The following LARGE1 variants were observed in gnomAD, a reference collection of about 807,000 sequenced individuals.
LARGE1 encodes LARGE xylosyl- and glucuronyltransferase 1.
A neutral mutation model predicts 87.6 loss-of-function variants in LARGE1; 43 were observed. That is an observed-to-expected ratio of 0.49 (90% CI 0.38 to 0.63). The LOEUF (loss-of-function observed/expected upper bound fraction) is 0.63. LARGE1 is among the 30% of genes least tolerant of loss of function. The probability of loss-of-function intolerance (pLI) is 0.00; values close to 1 mark genes in which losing one functional copy is unlikely to be tolerated. For synonymous variants in LARGE1, 434 were observed against 394.6 expected (o/e 1.10, Z -1.18); for missense variants, 802 against 1,000.2 (o/e 0.80, Z 2.67).
rs189946372 is a variant in LARGE1, at chr22:33,633,188, A to G, written c.409-6862T>C. Among the ~76,000 whole-genome samples, 18 of 152,288 alleles carry G rather than the reference A, an allele frequency of 1.2e-4. No individual in the cohort carries two copies. The East Asian group carries it at 3.5e-3, about 29-fold the overall frequency. On this transcript the variant is annotated intron_variant, in intron 3 of 14. Coordinates refer to ENST00000397394, the MANE Select transcript of LARGE1 (RefSeq NM_133642.5). ...CCCCATTCCCCAAAATCAGGTGTGG[A>G]GGCAATTTGATAGTTAACCAGGAGA... is the stretch of plus-strand genomic sequence containing the variant.
At chr22:33,506,055 C>T (rs2148406557) in intron 6 of LARGE1, among the ~76,000 whole-genome samples, 1 of 152,210 alleles carries the variant, frequency 6.6e-6, no homozygotes, top group East Asian at 1.9e-4. Flanking sequence ...AATTAGGGGA[C>T]TCACAGCCAT....
chr22:33,157,247 G>A (rs531723392), downstream of LARGE1, among the ~76,000 whole-genome samples: 11 of 152,298 alleles, frequency 7.2e-5, no homozygotes, highest in South Asian at 2.3e-3. Flanking sequence ...TGACTTTCAT[G>A]TATAAAAAGC....
At chr22:33,921,434 G>A (rs898477388), upstream of LARGE1, among the ~76,000 whole-genome samples, 4 of 152,154 alleles carry the variant, frequency 2.6e-5, no homozygotes, top group Non-Finnish European at 5.9e-5. This position sits in a 1 kb window ranked among gnomAD's most constrained non-coding sequence, Gnocchi z 4.1. Context: ...CAGGCTTGCA[G>A]GACCATGCAG....
At chr22:33,624,008 C>A (rs530155499) in intron 4 of LARGE1, among the ~76,000 whole-genome samples, 1 of 151,548 alleles carries the variant, frequency 6.6e-6, no homozygotes, top group African/African-American at 2.4e-5. Flanking sequence ...CCAGCCTTGG[C>A]GACAAGAGCA....
chr22:33,297,936 C>T (rs576005554), intron 12 of LARGE1, among the ~76,000 whole-genome samples: 45 of 141,362 alleles, frequency 3.2e-4, no homozygotes, highest in Admixed American at 9.4e-4. Context: ...GCTGAGATCA[C>T]GCCATTGCAC....
At chr22:33,621,038 T>C (rs1275368009) in intron 4 of LARGE1, among the ~76,000 whole-genome samples, 2 of 152,344 alleles carry the variant, frequency 1.3e-5, no homozygotes, top group East Asian at 3.9e-4. Context: ...TGTGTACATG[T>C]CACATATAGG....
At chr22:33,701,742 T>A (rs1396250577) in intron 2 of LARGE1, among the ~76,000 whole-genome samples, 1 of 152,188 alleles carries the variant, frequency 6.6e-6, no homozygotes, top group East Asian at 1.9e-4. Context: ...AGGGAGACAG[T>A]CATTTATCTG....
chr22:33,530,450 T>G (rs1387917526), intron 6 of LARGE1, among the ~76,000 whole-genome samples: 1 of 141,580 alleles, frequency 7.1e-6, no homozygotes, highest in Admixed American at 7.8e-5. Context: ...TTGGAAAGAC[T>G]CTTGCTGAGG....
the LARGE1 span, among the ~76,000 whole-genome samples, chr22:33,103,101 G>A: frequency 1.1e-4 from 17 of 151,912 alleles, no homozygotes; most frequent in Admixed American, 9.8e-4. Flanking sequence ...TATTATTCCC[G>A]TGACTAGGTT....
intron 6 of LARGE1, among the ~76,000 whole-genome samples, chr22:33,447,237 G>A (rs1474815279): frequency 6.6e-6 from 1 of 152,228 alleles, no homozygotes; most frequent in East Asian, 1.9e-4. Context: ...ACTATGTGGA[G>A]TAGGATCAGG....
At chr22:33,876,590 T>A (rs1291254636) in intron 1 of LARGE1, among the ~76,000 whole-genome samples, 1 of 149,920 alleles carries the variant, frequency 6.7e-6, no homozygotes, top group Admixed American at 6.7e-5. Context: ...AAGTGGGAGT[T>A]GAACAATGAG....
intron 5 of LARGE1, among the ~76,000 whole-genome samples, chr22:33,602,588 C>T (rs779490767): frequency 1.2e-4 from 18 of 152,170 alleles, no homozygotes; most frequent in Non-Finnish European, 1.8e-4. Context: ...AGGCTGGTCT[C>T]GAACTCCTGG....
the LARGE1 span, among the ~76,000 whole-genome samples, chr22:33,146,138 A>G: frequency 6.6e-6 from 1 of 152,216 alleles, no homozygotes; most frequent in Non-Finnish European, 1.5e-5. Context: ...TGGGACAAAT[A>G]CAAGTTACTT....
chr22:33,597,292 A>C (rs572327197), intron 5 of LARGE1, among the ~76,000 whole-genome samples: 6 of 152,192 alleles, frequency 3.9e-5, no homozygotes, highest in East Asian at 1.9e-4. Context: ...AAAAAAAAAA[A>C]AAAAAACTTG....
chr22:33,584,934 T>C (rs923704633), intron 5 of LARGE1, among the ~76,000 whole-genome samples: 2 of 152,102 alleles, frequency 1.3e-5, no homozygotes, highest in African/African-American at 4.8e-5. Flanking sequence ...CTGGCCAACA[T>C]GGTGAAACCC....
intron 11 of LARGE1, among the ~76,000 whole-genome samples, chr22:33,178,172 C>T (rs1315472006): frequency 6.6e-6 from 1 of 152,160 alleles, no homozygotes. Context: ...GGAAGGCCTG[C>T]ATCACTAGGA....
chr22:33,519,231 C>CGTGTGTGTGT (rs769245398), intron 6 of LARGE1, among the ~76,000 whole-genome samples: 77 of 134,630 alleles, frequency 5.7e-4, no homozygotes, highest in African/African-American at 1.8e-3. Flanking sequence ...CGTGCGTGCG[C>CGTGTGTGTGT]GCGCGTGTGT....
At chr22:33,434,082 C>A (rs915398175) in intron 6 of LARGE1, among the ~76,000 whole-genome samples, 2 of 152,058 alleles carry the variant, frequency 1.3e-5, no homozygotes, top group Non-Finnish European at 2.9e-5. Context: ...TCAATCAATC[C>A]CATGTGCAAC....
chr22:33,772,406 C>A (rs1390627118), intron 1 of LARGE1, among the ~76,000 whole-genome samples: 2 of 152,160 alleles, frequency 1.3e-5, no homozygotes, highest in Non-Finnish European at 2.9e-5. Context: ...CTAGAAGCAC[C>A]TGACTTGACC....
Sources: gnomAD v4.1 joint callset for allele counts (sites outside exome capture counted in the v4.1 genomes callset) on GRCh38, gnomAD v4.1.1 for gene constraint, Gnocchi (gnomAD v3.1) non-coding constraint, MANE v1.5 for transcripts, NCBI Gene and HGNC (gene_info 2026-07-23, HGNC 2026-07-21) for gene names.